Variants in CNTNAP2 observed in about 807,000 individuals in gnomAD.
CNTNAP2 encodes the protein contactin associated protein 2, also known as contactin-associated protein-like 2.
Under a neutral mutation model 155.2 loss-of-function variants are expected in CNTNAP2, and 98 were observed. That is an observed-to-expected ratio of 0.63 (90% confidence interval 0.54 to 0.75). CNTNAP2 has a LOEUF of 0.75. CNTNAP2 is among the 30% of genes least tolerant of loss of function. The probability of loss-of-function intolerance (pLI) is 0.00; values close to 1 mark genes in which losing one functional copy is unlikely to be tolerated. For synonymous variants in CNTNAP2, 651 were observed against 631.2 expected (o/e 1.03, Z -0.47); for missense variants, 1,727 against 1,688.1 (o/e 1.02, Z -0.40).
chr7:146,750,574 G>A (rs1198793092), intron 1 of CNTNAP2, among the ~76,000 whole-genome samples: 1 of 151,610 alleles, frequency 6.6e-6, no homozygotes, highest in East Asian at 2.0e-4. Flanking sequence ...TTCTTGAGCA[G>A]GTTGCTATTG....
chr7:147,056,146 A>G (rs1024266191), intron 4 of CNTNAP2, among the ~76,000 whole-genome samples: 2 of 152,196 alleles, frequency 1.3e-5, no homozygotes, highest in Non-Finnish European at 2.9e-5. Flanking sequence ...AAAATCCCAT[A>G]TAAAATTTTT....
At chr7:147,974,362 C>G (rs1042247550) in intron 14 of CNTNAP2, among the ~76,000 whole-genome samples, 1 of 152,120 alleles carries the variant, frequency 6.6e-6, no homozygotes, top group Non-Finnish European at 1.5e-5. Context: ...GTAATCCCAG[C>G]ACTTTGGGAG....
chr7:146,391,090 C>T (rs536920831), intron 1 of CNTNAP2, among the ~76,000 whole-genome samples: 15 of 146,652 alleles, frequency 1.0e-4, no homozygotes, highest in Non-Finnish European at 1.6e-4. Context: ...TATTATATAT[C>T]GTAAATATAT....
intron 10 of CNTNAP2, among the ~76,000 whole-genome samples, chr7:147,479,687 A>T (rs1041379013): frequency 1.3e-5 from 2 of 152,140 alleles, no homozygotes; most frequent in Admixed American, 1.3e-4. Context: ...TGCTTATCTC[A>T]TCATAGCAAA....
At chr7:146,665,410 A>T (rs1017575923) in intron 1 of CNTNAP2, among the ~76,000 whole-genome samples, 3 of 152,026 alleles carry the variant, frequency 2.0e-5, no homozygotes, top group African/African-American at 7.3e-5. Flanking sequence ...CCCTGTGACT[A>T]TGTCTTTGAC....
At chr7:147,739,638 T>C (rs1480281273) in intron 13 of CNTNAP2, among the ~76,000 whole-genome samples, 1 of 152,028 alleles carries the variant, frequency 6.6e-6, no homozygotes, top group African/African-American at 2.4e-5. Context: ...ACAGTCCCAA[T>C]ACAGTCAGAA....
chr7:148,345,307 G>C (rs1338245976), intron 21 of CNTNAP2, among the ~76,000 whole-genome samples: 2 of 152,090 alleles, frequency 1.3e-5, no homozygotes. Flanking sequence ...ATAACCCACA[G>C]CATCTGGACG....
At chr7:146,906,497 G>A (rs2129215231) in intron 3 of CNTNAP2, among the ~76,000 whole-genome samples, 1 of 152,062 alleles carries the variant, frequency 6.6e-6, no homozygotes, top group South Asian at 2.1e-4. Context: ...CCTGACCCCT[G>A]ACCCCCGAGC....
At chr7:146,886,398 A>G (rs1185120022) in intron 3 of CNTNAP2, among the ~76,000 whole-genome samples, 1 of 152,110 alleles carries the variant, frequency 6.6e-6, no homozygotes, top group African/African-American at 2.4e-5. Flanking sequence ...AAACAGACAA[A>G]GAAAAAAATT....
intron 13 of CNTNAP2, among the ~76,000 whole-genome samples, chr7:147,841,418 A>G (rs1487745537): frequency 6.6e-6 from 1 of 152,134 alleles, no homozygotes; most frequent in African/African-American, 2.4e-5. Context: ...TGTCATGAGC[A>G]CCTCCTGTGA....
intron 2 of CNTNAP2, among the ~76,000 whole-genome samples, chr7:146,825,948 A>C (rs547668849): frequency 6.6e-6 from 1 of 152,150 alleles, no homozygotes; most frequent in Non-Finnish European, 1.5e-5. Flanking sequence ...ATCTATTTGT[A>C]TATACCATTG....
At chr7:147,400,792 G>C (rs368956162) in intron 10 of CNTNAP2, among the ~76,000 whole-genome samples, 2 of 152,028 alleles carry the variant, frequency 1.3e-5, no homozygotes, top group African/African-American at 4.8e-5. Flanking sequence ...AGAGCTGTAG[G>C]GTCAAGAAAA....
chr7:146,694,388 T>C (rs949449282), intron 1 of CNTNAP2, among the ~76,000 whole-genome samples: 1 of 152,212 alleles, frequency 6.6e-6, no homozygotes, highest in African/African-American at 2.4e-5. Flanking sequence ...TTGCCTTTGC[T>C]CCTTTGTCAA....
At chr7:147,144,014 C>T (rs1052411612) in intron 8 of CNTNAP2, among the ~76,000 whole-genome samples, 73 of 152,110 alleles carry the variant, frequency 4.8e-4, no homozygotes, top group East Asian at 1.5e-3. Flanking sequence ...GCATTTGACA[C>T]GATTAACTCC....
chr7:148,046,421 T>C (rs1274526074), intron 15 of CNTNAP2, among the ~76,000 whole-genome samples: 1 of 152,238 alleles, frequency 6.6e-6, no homozygotes, highest in Non-Finnish European at 1.5e-5. Flanking sequence ...TTATAGGTTA[T>C]AATATCTTTA....
Position 146,889,943 on chromosome 7 carries a change from T to C in CNTNAP2, c.402+50039T>C, listed in dbSNP as rs1393689656. On this transcript the variant is annotated intron_variant, in intron 3 of 23. Coordinates refer to ENST00000361727, the MANE Select transcript of CNTNAP2 (RefSeq NM_014141.6). ...GGAAATTCTCCAGGCAGGCATTTTC[T>C]TTCTCGTCCTCATTAGGAGCTCTCA... is the stretch of plus-strand genomic sequence containing the variant. Among the ~76,000 whole-genome samples, 18 of 152,150 alleles carry C rather than the reference T, an allele frequency of 1.2e-4. 1 individual carries two copies. The highest frequency in any genetic ancestry group is 1.2e-3 in the Admixed American group (18 of 15,260).
chr7:148,040,649 AAC>A (rs1367783167), intron 15 of CNTNAP2, among the ~76,000 whole-genome samples: 2 of 152,348 alleles, frequency 1.3e-5, no homozygotes, highest in African/African-American at 2.4e-5. Flanking sequence ...CACATACACA[AAC>A]ACACACACAG....
chr7:146,186,877 AG>A (rs1363651794), intron 1 of CNTNAP2, among the ~76,000 whole-genome samples: 11 of 152,110 alleles, frequency 7.2e-5, no homozygotes, highest in African/African-American at 2.7e-4. Flanking sequence ...TTACATTTTA[AG>A]AATGCATAAT....
chr7:146,833,732 C>T (rs77073111), intron 2 of CNTNAP2, among the ~76,000 whole-genome samples: 6,136 of 152,268 alleles, frequency 0.04, 400 homozygotes, highest in African/African-American at 0.13. Flanking sequence ...CTGATACACA[C>T]AGGGAACTTA....
Sources: allele counts gnomAD v4.1 joint callset (sites outside exome capture counted in the v4.1 genomes callset), GRCh38; gene constraint gnomAD v4.1.1; transcripts MANE v1.5; gene names NCBI Gene and HGNC (gene_info 2026-07-23, HGNC 2026-07-21).